The following RADIL variants were observed in gnomAD, a reference collection of about 807,000 sequenced individuals.
The protein encoded by RADIL is Rap associating with DIL domain.
In RADIL, 99 loss-of-function variants were observed where a neutral mutation model predicts 97.6. The ratio of observed to expected loss-of-function variants is 1.01; its 90% CI spans 0.86 to 1.20. The LOEUF (loss-of-function observed/expected upper bound fraction) is 1.20. RADIL is among the 50% of genes most tolerant of loss of function. The pLI, the probability that RADIL is intolerant of heterozygous loss-of-function variation, is 0.00. For missense variants in RADIL, 1,765 were observed against 1,498.9 expected (o/e 1.18, Z -2.93); for synonymous variants, 803 against 691.8 (o/e 1.16, Z -2.52).
rs1264603739 is a variant in RADIL, at chr7:4,801,923, GGCCAGGGTCCCTGGGA to G, written c.2556_2571del (p.Pro853GlnfsTer14). ...TCCGGGGCCACTTCCCGGGCTGCTG[GGCCAGGGTCCCTGGGA>G]GCCAGGGGGCAGCTCGGGGCCTCCA... On this transcript the variant is annotated frameshift_variant, in exon 12 of 15. Transcript: ENST00000399583. LOFTEE classifies it high-confidence loss of function. 2 of 1,568,016 alleles carry G rather than the reference GGCCAGGGTCCCTGGGA, an allele frequency of 1.3e-6. No individual in the cohort carries two copies. The highest frequency in any genetic ancestry group is 1.7e-6 in the Non-Finnish European group (2 of 1,158,668).
intron 11 of RADIL, among the ~76,000 whole-genome samples, 196 bp from the exon 12 acceptor site, chr7:4,802,191 G>A (rs1421496654): frequency 6.6e-6 from 1 of 152,220 alleles, no homozygotes; most frequent in Non-Finnish European, 1.5e-5. Flanking sequence ...AGCCTGCGCT[G>A]GGCCAGGACT....
Position 4,817,369 on chromosome 7 carries a change from C to G in RADIL, c.1616-18G>C. 6.2e-7 allele frequency: 1 copy of G among 1,604,900 alleles called. No homozygotes were observed. The highest frequency in any genetic ancestry group is 8.5e-7 in the Non-Finnish European group (1 of 1,175,400). The stretch of plus-strand genomic sequence containing the variant: ...CTTCGAGCCTGCCGGGAGACAGCCA[C>G]GCCAATGGTCACAACGGGCACAGCG... On this transcript the variant is annotated intron_variant, in intron 6 of 14. Transcript: ENST00000399583. The surrounding 1 kb of genome is among the most constrained non-coding windows in gnomAD (Gnocchi z 8.3).
chr7:4,873,967 C>T lies in RADIL; in HGVS notation c.535+3638G>A, dbSNP rs943398020. Among the ~76,000 whole-genome samples, 2 of 152,258 alleles carry T rather than the reference C, an allele frequency of 1.3e-5. No homozygotes were observed. The highest frequency in any genetic ancestry group is 2.9e-5 in the Non-Finnish European group (2 of 68,046). On this transcript the variant is annotated intron_variant, in intron 2 of 14. Coordinates refer to ENST00000399583, the MANE Select transcript of RADIL (RefSeq NM_018059.5). The surrounding 1 kb of genome is among the most constrained non-coding windows in gnomAD (Gnocchi z 4.3). ...CTCCTCCCCTTCTCTGGCTCTCAGT[C>T]GTTCCCCTTGGAGGGGCGAGGGAGG... is the stretch of plus-strand genomic sequence containing the variant.
chr7:4,822,692 C>T lies in RADIL; in HGVS notation c.1455-138G>A, dbSNP rs759112728. ...CAACCATCAACCTGACACTGCTGGGCGGGGACGTTTAACAATACGTGTACC... is the reference window on the plus strand; with the variant it reads ...CAACCATCAACCTGACACTGCTGGGTGGGGACGTTTAACAATACGTGTACC... On this transcript the variant is annotated intron_variant, in intron 5 of 14. Transcript: ENST00000399583. This position sits in a 1 kb window ranked among gnomAD's most constrained non-coding sequence, Gnocchi z 5.3. The T allele has an allele frequency of 9.0e-5, 92 of 1,025,524 alleles. No individual in the cohort carries two copies. The highest frequency in any genetic ancestry group is 4.9e-5 in the African/African-American group (3 of 61,786). The allele number at this position is 1,025,524 out of a possible 1,614,324, so 63.5% of individuals were successfully genotyped here. A position where few individuals can be genotyped will look rare whatever the true frequency, so the allele number is the denominator to read the frequency against.
chr7:4,806,109 A>T (rs1228586626), intron 9 of RADIL: 2 of 924,538 alleles, frequency 2.2e-6, no homozygotes, highest in Admixed American at 6.2e-5. Flanking sequence ...GAAGGCAGGG[A>T]CATTCATCAT....
Position 4,818,689 on chromosome 7 carries a change from G to T in RADIL, c.1616-1338C>A, listed in dbSNP as rs1031074670. ...TTCACAGCCACGGCAGGCGGGTCAG[G>T]AGGCTGAGCTCTGTCCCGTCCACCT... On this transcript the variant is annotated intron_variant, in intron 6 of 14. Coordinates refer to ENST00000399583, the MANE Select transcript of RADIL (RefSeq NM_018059.5). This position sits in a 1 kb window ranked among gnomAD's most constrained non-coding sequence, Gnocchi z 7.1. Among the ~76,000 whole-genome samples the T allele has an allele frequency of 7.2e-5, 11 of 152,174 alleles. No individual in the cohort carries two copies. The highest frequency in any genetic ancestry group is 3.3e-4 in the Admixed American group (5 of 15,290).
rs1455746143 is a variant in RADIL at position 4,835,147 on chromosome 7, G to A, written c.876C>T (p.Asp292=). ...SKPSISLSAP[D]ILPLHCTIRR... ...GGATGGTGCAGTGTAGAGGCAGGAT[G>A]TCGGGGGCTGAGAGGCTGATGCTGG... Residue 292 remains aspartate, a synonymous_variant, in exon 4 of 15, where the codon GAC becomes GAT. Coordinates refer to ENST00000399583, the MANE Select transcript of RADIL (RefSeq NM_018059.5). This position sits in a 1 kb window ranked among gnomAD's most constrained non-coding sequence, Gnocchi z 5.8. 3 of 1,610,754 alleles carry A rather than the reference G, an allele frequency of 1.9e-6. No homozygotes were observed. In the Admixed American group the frequency reaches 5.0e-5, roughly 27 times the overall value.
intron 2 of RADIL, among the ~76,000 whole-genome samples, chr7:4,857,475 GTT>G (rs1349460277): frequency 3.9e-5 from 6 of 152,112 alleles, no homozygotes; most frequent in African/African-American, 1.4e-4. Flanking sequence ...CATAGATCGT[GTT>G]TTCTTTTTAC....
rs11973119 is a variant in RADIL at position 4,819,626 on chromosome 7, T to G, written c.1616-2275A>C. Among the ~76,000 whole-genome samples the G allele has an allele frequency of 0.13, 20,541 of 152,196 alleles. 2,801 individuals are homozygous for G. The highest frequency in any genetic ancestry group is 0.35 in the African/African-American group (14,469 of 41,490). On this transcript the variant is annotated intron_variant, in intron 6 of 14. Transcript: ENST00000399583. This position sits in a 1 kb window ranked among gnomAD's most constrained non-coding sequence, Gnocchi z 5.8. ...GGGAGGGGCCTGGGTCAGAGCTTTGTACAAAACAGTGTTTGCGGAATGACA... is the reference window on the plus strand; with the variant it reads ...GGGAGGGGCCTGGGTCAGAGCTTTGGACAAAACAGTGTTTGCGGAATGACA...
intron 9 of RADIL, 168 bp from the exon 10 acceptor site, chr7:4,805,884 C>A (rs1298433012): frequency 1.0e-6 from 1 of 985,332 alleles, no homozygotes; most frequent in African/African-American, 1.7e-5. Context: ...CAGCAGTTCA[C>A]CCCTGGCACT....
chr7:4,833,799 G>A (rs1435362327), intron 4 of RADIL, among the ~76,000 whole-genome samples: 1 of 119,320 alleles, frequency 8.4e-6, no homozygotes, highest in African/African-American at 6.6e-5. Flanking sequence ...GGGCCCAGCG[G>A]GGGGCCATGA....
At chr7:4,830,841 C>T (rs974456953) in intron 5 of RADIL, among the ~76,000 whole-genome samples, 1 of 151,930 alleles carries the variant, frequency 6.6e-6, no homozygotes, top group Non-Finnish European at 1.5e-5. Context: ...GGTGAAACCC[C>T]GTCTCTACTA....
chr7:4,856,601 A>G (rs1783837650), intron 2 of RADIL, among the ~76,000 whole-genome samples: 1 of 152,078 alleles, frequency 6.6e-6, no homozygotes, highest in Non-Finnish European at 1.5e-5. Flanking sequence ...TCATGACTTG[A>G]GCTTTTTTGT....
Position 4,836,736 on chromosome 7 carries a change from G to A in RADIL, c.536-131C>T, listed in dbSNP as rs183353763. 1.4e-3 allele frequency: 1,765 copies of A among 1,238,338 alleles called. 9 individuals are homozygous for A. Among genetic ancestry groups the A allele is most frequent in the South Asian group, 3.4e-3 (257 of 75,370 alleles). 76.7% of individuals were successfully genotyped at this position (1,238,338 alleles called of 1,614,324 possible). On this transcript the variant is annotated intron_variant, in intron 2 of 14. Coordinates refer to ENST00000399583, the MANE Select transcript of RADIL (RefSeq NM_018059.5). ...GGGGATCGCCTGAGGTCAGGAGCTC[G>A]AGACCAGCCTGGCCAACACAGTGAA...
At position 4,834,564 on chromosome 7, in the gene RADIL, C is replaced by CA; in HGVS notation, c.1416+42dup. 7 of 1,304,030 alleles carry CA rather than the reference C, an allele frequency of 5.4e-6. No homozygotes were observed. The African/African-American group carries it at 6.1e-5, about 11-fold the overall frequency. 80.8% of individuals were successfully genotyped at this position (1,304,030 alleles called of 1,614,324 possible). On this transcript the variant is annotated intron_variant, in intron 4 of 14. Coordinates refer to ENST00000399583, the MANE Select transcript of RADIL (RefSeq NM_018059.5). The surrounding 1 kb of genome is among the most constrained non-coding windows in gnomAD (Gnocchi z 6.0). ...GCCAGCTCCGGGCCCCCTCTTCCCCCAGACCGGCACAGGACCCAGACCGCC... is the reference window on the plus strand; with the variant it reads ...GCCAGCTCCGGGCCCCCTCTTCCCCCAAGACCGGCACAGGACCCAGACCGCC...
rs1176603523 is a variant in RADIL, at chr7:4,880,074, C to T, written c.-64-1871G>A. Among the ~76,000 whole-genome samples, 4 of 152,184 alleles carry T rather than the reference C, an allele frequency of 2.6e-5. No homozygotes were observed. Among genetic ancestry groups the T allele is most frequent in the Admixed American group, 2.0e-4 (3 of 15,268 alleles). On this transcript the variant is annotated intron_variant, in intron 1 of 14. Coordinates refer to ENST00000399583, the MANE Select transcript of RADIL (RefSeq NM_018059.5). The surrounding 1 kb of genome is among the most constrained non-coding windows in gnomAD (Gnocchi z 4.5). ...CTTCTCCTGTTCCTATAGCCCACTG[C>T]GGACACTTCACCACGGCAAAGGCTT...
chr7:4,881,958 C>T (rs781132835), intron 1 of RADIL, among the ~76,000 whole-genome samples: 2 of 152,020 alleles, frequency 1.3e-5, no homozygotes, highest in Non-Finnish European at 2.9e-5. Context: ...CCCCCCACCC[C>T]TGCTTTTCCC....
intron 3 of RADIL, 125 bp downstream of exon 3, chr7:4,836,233 G>T: frequency 7.1e-7 from 1 of 1,408,926 alleles, no homozygotes; most frequent in Non-Finnish European, 9.6e-7. Flanking sequence ...GGCACAGCCA[G>T]AGGGGCTGCA....
chr7:4,802,909 C>T (rs1782156616), intron 11 of RADIL, among the ~76,000 whole-genome samples: 3 of 125,390 alleles, frequency 2.4e-5, no homozygotes, highest in African/African-American at 7.0e-5. Context: ...CCGGGCACCT[C>T]GGGGAATGCT....
Sources: gnomAD v4.1 joint callset for allele counts (sites outside exome capture counted in the v4.1 genomes callset) on GRCh38, gnomAD v4.1.1 for gene constraint, Gnocchi (gnomAD v3.1) non-coding constraint, MANE v1.5 for transcripts, NCBI Gene and HGNC (gene_info 2026-07-23, HGNC 2026-07-21) for gene names.